Variants in CDH13 observed in about 807,000 individuals in gnomAD.
The protein encoded by CDH13 is cadherin 13, also known as cadherin-13.
In CDH13, 24 loss-of-function variants were observed where a neutral mutation model predicts 63.8. The ratio of observed to expected loss-of-function variants is 0.38; its 90% CI spans 0.27 to 0.53. The LOEUF (loss-of-function observed/expected upper bound fraction) is 0.53. Ranked by LOEUF, CDH13 falls within the 20% of genes least tolerant of loss-of-function variation. The pLI, the probability that CDH13 is intolerant of heterozygous loss-of-function variation, is 0.85. For synonymous variants in CDH13, 503 were observed against 355.3 expected, an observed-to-expected ratio of 1.42 and a Z score of -4.67; for missense variants, 1,049 against 903.1, an observed-to-expected ratio of 1.16 and a Z score of -2.07.
chr16:82,827,106 C>T (rs919998303), intron 1 of CDH13, among the ~76,000 whole-genome samples: 2 of 152,198 alleles, frequency 1.3e-5, no homozygotes, highest in Non-Finnish European at 2.9e-5. Flanking sequence ...GCAACACAGC[C>T]TTAGCCTTGT....
chr16:83,103,167 G>A (rs1260831349), intron 3 of CDH13, among the ~76,000 whole-genome samples: 2 of 149,602 alleles, frequency 1.3e-5, no homozygotes, highest in African/African-American at 4.9e-5. Flanking sequence ...TGGCTAGGCT[G>A]GTCTCAAACT....
intron 4 of CDH13, among the ~76,000 whole-genome samples, chr16:83,191,285 C>G (rs1394857633): frequency 1.4e-5 from 2 of 146,046 alleles, no homozygotes; most frequent in African/African-American, 5.1e-5. Flanking sequence ...AATAGTTTGT[C>G]TAGGCCACCT....
chr16:82,937,449 A>C (rs2151303983), intron 2 of CDH13, among the ~76,000 whole-genome samples: 1 of 152,128 alleles, frequency 6.6e-6, no homozygotes, highest in East Asian at 1.9e-4. Flanking sequence ...ACACACACAC[A>C]CACACACACA....
At chr16:83,479,864 C>A (rs1024611953) in intron 6 of CDH13, among the ~76,000 whole-genome samples, 1 of 152,132 alleles carries the variant, frequency 6.6e-6, no homozygotes, top group African/African-American at 2.4e-5. Context: ...AATAGATACA[C>A]GGTATTCTAT....
chr16:83,649,755 C>T (rs199863713), intron 8 of CDH13, among the ~76,000 whole-genome samples: 77 of 152,208 alleles, frequency 5.1e-4, no homozygotes, highest in East Asian at 4.1e-3. Flanking sequence ...CGCACTCTTC[C>T]CCTGTGGGTC....
chr16:83,465,359 C>G (rs571394051), intron 6 of CDH13, among the ~76,000 whole-genome samples: 116 of 152,226 alleles, frequency 7.6e-4, no homozygotes, highest in African/African-American at 2.7e-3. Flanking sequence ...TATAGCAACG[C>G]CTAGGGCAGG....
chr16:82,938,634 C>T (rs189081533), intron 2 of CDH13, among the ~76,000 whole-genome samples: 6 of 152,264 alleles, frequency 3.9e-5, no homozygotes, highest in Admixed American at 2.6e-4. Flanking sequence ...GTCTTAATTG[C>T]AGTCCTCGAG....
intron 4 of CDH13, among the ~76,000 whole-genome samples, chr16:83,128,064 C>T (rs371714587): frequency 5.3e-5 from 8 of 152,152 alleles, no homozygotes; most frequent in Non-Finnish European, 1.2e-4. Context: ...GATGCATTCT[C>T]GTTTTTCAGT....
chr16:83,508,091 GGAAGGAAA>G (rs2074452132), intron 7 of CDH13, among the ~76,000 whole-genome samples: 6 of 63,580 alleles, frequency 9.4e-5, no homozygotes, highest in African/African-American at 1.6e-4. Context: ...AAGGAAGGAA[GGAAGGAAA>G]GAAGGAAGGA....
At chr16:83,565,968 G>A (rs950298548) in intron 7 of CDH13, among the ~76,000 whole-genome samples, 1 of 152,152 alleles carries the variant, frequency 6.6e-6, no homozygotes, top group South Asian at 2.1e-4. Context: ...TCATGCTATA[G>A]CGTTTGCACT....
intron 12 of CDH13, among the ~76,000 whole-genome samples, chr16:83,780,933 G>C (rs4782843): frequency 0.2 from 30,810 of 152,118 alleles, 3,493 homozygotes; most frequent in Non-Finnish European, 0.26. Flanking sequence ...TGTCATAAAA[G>C]ACTAAAGGAA....
Position 83,748,186 on chromosome 16 carries a change from G to A in CDH13, c.1617G>A (p.Leu539=). 1.2e-6 allele frequency: 2 copies of A among 1,613,834 alleles called. No individual in the cohort carries two copies. The highest frequency in any genetic ancestry group is 3.3e-4 in the Middle Eastern group (2 of 6,062). ...GGACTGTTGACACCACAGCTGTGCT[G>A]GACCGTGAGTCCCCATTTGTCGACA... is the stretch of plus-strand genomic sequence containing the variant. ...INGTVDTTAV[L]DRESPFVDNS... The change falls in exon 11 of 14, where the codon CTG becomes CTA. Residue 539 remains leucine, a synonymous_variant. Transcript: ENST00000567109.
intron 7 of CDH13, among the ~76,000 whole-genome samples, chr16:83,548,818 T>G (rs1177989108): frequency 1.3e-5 from 2 of 152,170 alleles, no homozygotes; most frequent in Admixed American, 1.3e-4. Flanking sequence ...CCCCTCTTTT[T>G]TCTGCCCTAG....
intron 6 of CDH13, among the ~76,000 whole-genome samples, chr16:83,402,023 T>A (rs1203877727): frequency 1.3e-5 from 2 of 152,130 alleles, no homozygotes; most frequent in Non-Finnish European, 2.9e-5. Context: ...GTTTCCTGAG[T>A]GTAGATGTTG....
intron 2 of CDH13, among the ~76,000 whole-genome samples, chr16:83,024,387 A>C (rs1048549340): frequency 1.3e-5 from 2 of 152,200 alleles, no homozygotes; most frequent in Admixed American, 1.3e-4. Context: ...TATTAAGTAA[A>C]TAATCGATGT....
intron 6 of CDH13, among the ~76,000 whole-genome samples, chr16:83,375,435 G>A (rs905463258): frequency 2.0e-5 from 3 of 152,188 alleles, no homozygotes; most frequent in African/African-American, 7.2e-5. Context: ...ATTAAAAATT[G>A]TACTCATTCT....
chr16:83,266,838 C>T (rs1907681157), intron 5 of CDH13, among the ~76,000 whole-genome samples: 1 of 152,210 alleles, frequency 6.6e-6, no homozygotes, highest in Admixed American at 6.5e-5. Flanking sequence ...GTGAGGTCCA[C>T]ACTCTTCACT....
chr16:82,631,623 C>T (rs780917118), intron 1 of CDH13, among the ~76,000 whole-genome samples: 18 of 152,226 alleles, frequency 1.2e-4, no homozygotes, highest in Non-Finnish European at 1.0e-4. Flanking sequence ...CACCTGGGAT[C>T]CCAGGCCTGG....
chr16:83,664,275 T>C (rs79808022), intron 8 of CDH13, among the ~76,000 whole-genome samples: 2,739 of 152,220 alleles, frequency 0.018, 103 homozygotes, highest in African/African-American at 0.063. Context: ...CTATGCCTTT[T>C]CTACTGTGAC....
Sources: gnomAD v4.1 joint callset for allele counts (sites outside exome capture counted in the v4.1 genomes callset) on GRCh38, gnomAD v4.1.1 for gene constraint, MANE v1.5 for transcripts, NCBI Gene and HGNC (gene_info 2026-07-23, HGNC 2026-07-21) for gene names.